Variants in SEMA6D observed in about 807,000 individuals in gnomAD.
SEMA6D encodes the protein semaphorin 6D.
SEMA6D carries 35 observed loss-of-function variants against 106.6 expected under a neutral mutation model. The observed-to-expected ratio is 0.33, with a 90% CI of 0.25 to 0.44. The LOEUF is 0.44. Ranked by LOEUF, SEMA6D falls within the 20% of genes least tolerant of loss-of-function variation. The pLI, the probability that SEMA6D is intolerant of heterozygous loss-of-function variation, is 1.00. For synonymous variants in SEMA6D, 499 were observed against 487.7 expected (o/e 1.02, Z -0.31); for missense variants, 1,185 against 1,345.9 (o/e 0.88, Z 1.87).
At chr15:47,572,953 AT>A (rs2076090032) in intron 3 of SEMA6D, among the ~76,000 whole-genome samples, 2 of 152,144 alleles carry the variant, frequency 1.3e-5, no homozygotes, top group African/African-American at 4.8e-5. Context: ...TTTGAAAAAA[AT>A]ATTAAATATT....
chr15:47,318,231 C>A (rs1252707604), intron 1 of SEMA6D, among the ~76,000 whole-genome samples: 3 of 151,208 alleles, frequency 2.0e-5, no homozygotes, highest in African/African-American at 4.8e-5. Context: ...TATTTTTTCC[C>A]ACTTTAAACT....
intron 1 of SEMA6D, among the ~76,000 whole-genome samples, chr15:47,207,789 C>G (rs1160097352): frequency 1.3e-5 from 2 of 152,026 alleles, no homozygotes; most frequent in African/African-American, 4.8e-5. Flanking sequence ...AGCAGTACCT[C>G]CAGAATAACC....
At chr15:47,475,184 A>T (rs1013264219) in intron 3 of SEMA6D, among the ~76,000 whole-genome samples, 4 of 152,174 alleles carry the variant, frequency 2.6e-5, no homozygotes, top group Admixed American at 2.6e-4. Flanking sequence ...AAGCGCTCTC[A>T]TTTACCTAAA....
intron 4 of SEMA6D, among the ~76,000 whole-genome samples, chr15:47,692,320 C>T (rs1349495323): frequency 2.0e-5 from 3 of 152,120 alleles, no homozygotes; most frequent in Non-Finnish European, 4.4e-5. Flanking sequence ...ATTTATTCCA[C>T]AGAGGTTTCC....
chr15:47,475,461 T>C (rs2042977235), intron 3 of SEMA6D, among the ~76,000 whole-genome samples: 1 of 152,216 alleles, frequency 6.6e-6, no homozygotes, highest in Non-Finnish European at 1.5e-5. Context: ...CTGTATCATA[T>C]ATCACTTCCT....
chr15:47,386,174 A>G (rs1289465706), intron 1 of SEMA6D, among the ~76,000 whole-genome samples: 5 of 152,198 alleles, frequency 3.3e-5, no homozygotes, highest in Non-Finnish European at 5.9e-5. Flanking sequence ...GAGATAAAAT[A>G]TCTACACAGA....
At chr15:47,524,018 G>A (rs1231089704) in intron 3 of SEMA6D, among the ~76,000 whole-genome samples, 1 of 152,188 alleles carries the variant, frequency 6.6e-6, no homozygotes, top group Non-Finnish European at 1.5e-5. Flanking sequence ...AAATATGCCT[G>A]CCTCCTGACT....
intron 3 of SEMA6D, among the ~76,000 whole-genome samples, chr15:47,510,827 G>A (rs1371669284): frequency 1.3e-5 from 2 of 152,060 alleles, no homozygotes; most frequent in Non-Finnish European, 2.9e-5. Context: ...ACGGGAGCAG[G>A]GAGACTCATC....
At chr15:47,736,347 G>A (rs761034014) in intron 1 of SEMA6D, among the ~76,000 whole-genome samples, 32 of 152,174 alleles carry the variant, frequency 2.1e-4, no homozygotes, top group Non-Finnish European at 3.7e-4. Flanking sequence ...AGGCAGAATT[G>A]CAGAATCACC....
chr15:47,444,476 G>A (rs202144958), intron 2 of SEMA6D, among the ~76,000 whole-genome samples: 1 of 99,040 alleles, frequency 1.0e-5, no homozygotes, highest in African/African-American at 3.0e-5. Context: ...CAAGGATGAA[G>A]GCTGCTTTGC....
intron 4 of SEMA6D, among the ~76,000 whole-genome samples, chr15:47,696,817 A>G (rs1472534417): frequency 6.6e-6 from 1 of 152,186 alleles, no homozygotes; most frequent in African/African-American, 2.4e-5. Flanking sequence ...AATACTGGTG[A>G]TAGTAATATC....
intron 4 of SEMA6D, among the ~76,000 whole-genome samples, chr15:47,707,821 C>T (rs946989610): frequency 6.6e-6 from 1 of 152,148 alleles, no homozygotes; most frequent in African/African-American, 2.4e-5. Flanking sequence ...ACCATGCCAA[C>T]CCTTTAAACT....
At chr15:47,202,501 C>CTA (rs1010152315) in intron 1 of SEMA6D, among the ~76,000 whole-genome samples, 1 of 152,116 alleles carries the variant, frequency 6.6e-6, no homozygotes, top group African/African-American at 2.4e-5. Context: ...CTCCCAAGCA[C>CTA]TAGCAGGCCA....
At chr15:47,272,074 G>T (rs1227419508) in intron 1 of SEMA6D, among the ~76,000 whole-genome samples, 1 of 152,124 alleles carries the variant, frequency 6.6e-6, no homozygotes, top group Non-Finnish European at 1.5e-5. Context: ...ACACAAAGCT[G>T]CTTAGAGCCA....
At chr15:47,372,622 C>T (rs1462139207) in intron 1 of SEMA6D, among the ~76,000 whole-genome samples, 1 of 152,156 alleles carries the variant, frequency 6.6e-6, no homozygotes, top group African/African-American at 2.4e-5. Flanking sequence ...CACTCTTTCC[C>T]ATGATTAGGT....
chr15:47,254,301 GTA>G (rs1207435534), intron 1 of SEMA6D, among the ~76,000 whole-genome samples: 3 of 113,256 alleles, frequency 2.6e-5, no homozygotes, highest in African/African-American at 6.1e-5. Context: ...ATATAGATGT[GTA>G]TATATATGTA....
At chr15:47,644,742 T>C (rs2077550389) in intron 4 of SEMA6D, among the ~76,000 whole-genome samples, 1 of 152,214 alleles carries the variant, frequency 6.6e-6, no homozygotes, top group African/African-American at 2.4e-5. Flanking sequence ...CTTTATAAAT[T>C]ACCCAGTCTC....
At chr15:47,603,094 G>A (rs910634542) in intron 4 of SEMA6D, among the ~76,000 whole-genome samples, 1 of 152,192 alleles carries the variant, frequency 6.6e-6, no homozygotes, top group Non-Finnish European at 1.5e-5. Context: ...GGTACATTAT[G>A]TGAAGATACT....
intron 2 of SEMA6D, among the ~76,000 whole-genome samples, chr15:47,451,429 A>G (rs1173299589): frequency 6.6e-6 from 1 of 152,012 alleles, no homozygotes; most frequent in African/African-American, 2.4e-5. Flanking sequence ...ATCCAGATCA[A>G]TCACAGCTTC....
Sources: gnomAD v4.1 joint callset for allele counts (sites outside exome capture counted in the v4.1 genomes callset) on GRCh38, gnomAD v4.1.1 for gene constraint, MANE v1.5 for transcripts, NCBI Gene and HGNC (gene_info 2026-07-23, HGNC 2026-07-21) for gene names.